Variants in FGFR1 observed in about 807,000 individuals in gnomAD.
The protein encoded by FGFR1 is fibroblast growth factor receptor 1, also known as FGFR1/PLAG1 fusion.
A neutral mutation model predicts 93.7 loss-of-function variants in FGFR1; 18 were observed. The observed-to-expected ratio is 0.19, with a 90% confidence interval of 0.13 to 0.28. FGFR1 has a LOEUF of 0.28. FGFR1 is among the 10% of genes least tolerant of loss of function. The pLI, the probability that FGFR1 is intolerant of heterozygous loss-of-function variation, is 1.00. For missense variants in FGFR1, 731 were observed against 1,080.4 expected (o/e 0.68, Z 4.53); for synonymous variants, 448 against 429.3 (o/e 1.04, Z -0.54).
intron 1 of FGFR1, among the ~76,000 whole-genome samples, chr8:38,467,185 C>G (rs1221045773): frequency 6.6e-6 from 1 of 152,130 alleles, no homozygotes; most frequent in Non-Finnish European, 1.5e-5. Flanking sequence ...CCCCATCCCA[C>G]ACCTCGGCTT....
Position 38,424,131 on chromosome 8 carries a change from G to A in FGFR1, c.936+378C>T, listed in dbSNP as rs17182345. On this transcript the variant is annotated intron_variant, in intron 7 of 17. Coordinates refer to ENST00000447712, the MANE Select transcript of FGFR1 (RefSeq NM_023110.3). The surrounding 1 kb of genome is among the most constrained non-coding windows in gnomAD (Gnocchi z 4.3). ...ACCCCATTTGCCAGAAAGATCGTAC[G>A]TAACTCAGGACACAGGGCTAAGACT... 2.2e-3 allele frequency: 839 copies of A among 373,466 alleles called. 5 individuals carry two copies. The highest frequency in any genetic ancestry group is 0.016 in the African/African-American group (769 of 48,186). 23.1% of individuals were successfully genotyped at this position (373,466 alleles called of 1,614,324 possible).
chr8:38,467,639 C>T (rs1165234160), intron 1 of FGFR1: 1 of 234,662 alleles, frequency 4.3e-6, no homozygotes, highest in Non-Finnish European at 8.4e-6. Flanking sequence ...GCCTCGCCGC[C>T]TTCGCCCCGG....
At chr8:38,443,456 TAG>T (rs1345993773) in intron 2 of FGFR1, among the ~76,000 whole-genome samples, 1 of 146,784 alleles carries the variant, frequency 6.8e-6, no homozygotes, top group African/African-American at 2.5e-5. Flanking sequence ...GTCCAGGGGT[TAG>T]AGATCAGCCT....
intron 12 of FGFR1, among the ~76,000 whole-genome samples, chr8:38,416,502 C>A (rs1177397577): frequency 7.9e-6 from 1 of 126,650 alleles, no homozygotes; most frequent in South Asian, 2.5e-4. Flanking sequence ...GTTGCCCAAG[C>A]TGGAGTGCAA....
In FGFR1 at chr8:38,424,781, G is replaced by T; in HGVS notation, c.746-82C>A. ...GGGTGGGCTCACCTGCGCCCCACTT[G>T]GCTTTCCCAGTGATGGGTTGTAAAC... is the stretch of plus-strand genomic sequence containing the variant. On this transcript the variant is annotated intron_variant, in intron 6 of 17. Coordinates refer to ENST00000447712, the MANE Select transcript of FGFR1 (RefSeq NM_023110.3). This position sits in a 1 kb window ranked among gnomAD's most constrained non-coding sequence, Gnocchi z 4.3. 1 of 1,443,152 alleles carries T rather than the reference G, an allele frequency of 6.9e-7. No homozygotes were observed. The highest frequency in any genetic ancestry group is 9.5e-7 in the Non-Finnish European group (1 of 1,051,062). The allele number at this position is 1,443,152 out of a possible 1,614,324, so 89.4% of individuals were successfully genotyped here. A position where few individuals can be genotyped will look rare whatever the true frequency, so the allele number is the denominator to read the frequency against.
intron 2 of FGFR1, among the ~76,000 whole-genome samples, chr8:38,441,723 T>C (rs1827549634): frequency 6.6e-6 from 1 of 152,160 alleles, no homozygotes; most frequent in South Asian, 2.1e-4. Flanking sequence ...CCATTTCACA[T>C]TTAGCACCAG....
Position 38,418,611 on chromosome 8 carries a change from C to A in FGFR1, c.1285-238G>T, listed in dbSNP as rs1027613090. The A allele has an allele frequency of 7.7e-5, 44 of 573,830 alleles. No individual in the cohort carries two copies. In the South Asian group the frequency reaches 7.9e-4, roughly 10 times the overall value. The allele number at this position is 573,830 out of a possible 1,614,324, so 35.5% of individuals were successfully genotyped here. On this transcript the variant is annotated intron_variant, in intron 9 of 17. Coordinates refer to ENST00000447712, the MANE Select transcript of FGFR1 (RefSeq NM_023110.3). ...TTCACTCACCTTTAAAATAAGCAGA[C>A]CAAATGCACCTCTTCCAGCTTGACA...
In FGFR1 at chr8:38,415,136, G is replaced by A. The variant is rs146284363; in HGVS notation, c.1855-235C>T. On this transcript the variant is annotated intron_variant, in intron 13 of 17. Coordinates refer to ENST00000447712, the MANE Select transcript of FGFR1 (RefSeq NM_023110.3). Reference sequence around the variant, plus strand: ...GACTGGCCCCTTATGCCTCTGCTGCGTCTGCAGCGATGCATGCTCCTAGGT... The same window carrying A: ...GACTGGCCCCTTATGCCTCTGCTGCATCTGCAGCGATGCATGCTCCTAGGT... 9.9e-5 allele frequency among the ~76,000 whole-genome samples: 15 copies of A among 152,136 alleles called. No individual in the cohort carries two copies. The East Asian group carries it at 2.1e-3, about 22-fold the overall frequency.
At chr8:38,447,757 A>G (rs1829811148) in intron 2 of FGFR1, among the ~76,000 whole-genome samples, 3 of 152,210 alleles carry the variant, frequency 2.0e-5, no homozygotes, top group Admixed American at 2.0e-4. Flanking sequence ...CTGGGATTAT[A>G]GGTGTGAGCA....
At chr8:38,443,749 ACCACAACAAAAG>A (rs1322441867) in intron 2 of FGFR1, among the ~76,000 whole-genome samples, 1 of 152,032 alleles carries the variant, frequency 6.6e-6, no homozygotes, top group African/African-American at 2.4e-5. Flanking sequence ...CATATATTTT[ACCACAACAAAAG>A]AATTAGATGG....
At chr8:38,421,596 G>A (rs989759616) in intron 8 of FGFR1, 4 of 662,948 alleles carry the variant, frequency 6.0e-6, no homozygotes, top group Non-Finnish European at 1.1e-5. Context: ...GGAGGCCTCC[G>A]TGCGCCTGCA....
chr8:38,418,341 A>C lies in FGFR1; in HGVS notation c.1317T>G (p.Ser439=), dbSNP rs1008745386. ...VSADSSASMN[S]GVLLVRPSRL... is the part of the protein sequence containing the mutation. ...GTGATGGCCGAACCAGAAGAACCCC[A>C]GAGTTCATGGATGCACTGGAGTCAG... The change falls in exon 10 of 18, where the codon TCT becomes TCG. Residue 439 remains serine, a synonymous_variant. Coordinates refer to ENST00000447712, the MANE Select transcript of FGFR1 (RefSeq NM_023110.3). 4 of 1,614,172 alleles carry C rather than the reference A, an allele frequency of 2.5e-6. No individual in the cohort carries two copies. Among genetic ancestry groups the C allele is most frequent in the Non-Finnish European group, 3.4e-6 (4 of 1,180,004 alleles).
At chr8:38,448,550 G>A (rs1001811831) in intron 2 of FGFR1, among the ~76,000 whole-genome samples, 4 of 152,192 alleles carry the variant, frequency 2.6e-5, no homozygotes, top group African/African-American at 4.8e-5. Flanking sequence ...TTTTAAAAGA[G>A]TGATAAAGAT....
At chr8:38,451,504 C>G (rs1831061650) in intron 2 of FGFR1, among the ~76,000 whole-genome samples, 2 of 152,196 alleles carry the variant, frequency 1.3e-5, no homozygotes, top group Admixed American at 1.3e-4. Context: ...ATGGCTCTGG[C>G]ACCACGCACA....
At chr8:38,434,702 C>T (rs1310964829) in intron 2 of FGFR1, 3 of 166,582 alleles carry the variant, frequency 1.8e-5, no homozygotes, top group African/African-American at 7.2e-5. Flanking sequence ...TGAATGGTCA[C>T]CTCCAGCTTC....
chr8:38,417,485 G>T, intron 11 of FGFR1, 69 bp from the exon 12 acceptor site: 1 of 1,335,266 alleles, frequency 7.5e-7, no homozygotes, highest in Non-Finnish European at 1.1e-6. Flanking sequence ...TAAGGGAGTG[G>T]GGTATGTGTC....
intron 2 of FGFR1, among the ~76,000 whole-genome samples, chr8:38,440,604 T>A (rs1586554406): frequency 7.2e-6 from 1 of 138,418 alleles, no homozygotes; most frequent in Non-Finnish European, 1.6e-5. Context: ...TTGAAGAAAG[T>A]GAAAAGAGTA....
intron 9 of FGFR1, chr8:38,418,620 C>A: frequency 1.8e-6 from 1 of 562,084 alleles, no homozygotes; most frequent in Admixed American, 3.1e-5. Flanking sequence ...ACCAAATGCA[C>A]CTCTTCCAGC....
At chr8:38,422,909 C>G (rs939144648) in intron 7 of FGFR1, 6 of 644,090 alleles carry the variant, frequency 9.3e-6, no homozygotes, top group African/African-American at 1.8e-5. Flanking sequence ...TGGCTCTGGG[C>G]ACTAGAAATA....
Sources: allele counts gnomAD v4.1 joint callset (sites outside exome capture counted in the v4.1 genomes callset), GRCh38; gene constraint gnomAD v4.1.1; non-coding constraint Gnocchi (gnomAD v3.1); transcripts MANE v1.5; gene names NCBI Gene and HGNC (gene_info 2026-07-23, HGNC 2026-07-21).